The following DPP10 variants were observed in gnomAD, a reference collection of about 807,000 sequenced individuals.
DPP10 encodes inactive dipeptidyl peptidase 10.
In DPP10, 33 loss-of-function variants were observed where a neutral mutation model predicts 120.9. The ratio of observed to expected loss-of-function variants is 0.27; its 90% CI spans 0.21 to 0.37. The LOEUF (loss-of-function observed/expected upper bound fraction) is 0.37, where lower values mean the gene tolerates loss of function less well. Among genes scored for constraint, DPP10 ranks in the 10% least tolerant of loss-of-function variants. The probability of loss-of-function intolerance (pLI) is 1.00; values close to 1 mark genes in which losing one functional copy is unlikely to be tolerated. For synonymous variants in DPP10, 337 were observed against 326.1 expected, an observed-to-expected ratio of 1.03 and a Z score of -0.36; for missense variants, 816 against 942.8, an observed-to-expected ratio of 0.87 and a Z score of 1.76.
At chr2:115,835,903 A>G (rs938057590) in intron 21 of DPP10, among the ~76,000 whole-genome samples, 1 of 151,982 alleles carries the variant, frequency 6.6e-6, no homozygotes, top group African/African-American at 2.4e-5. Context: ...TTAATTTTAT[A>G]TTTTACTTAA....
intron 1 of DPP10, among the ~76,000 whole-genome samples, chr2:114,575,258 G>A (rs1327340676): frequency 6.6e-6 from 1 of 152,140 alleles, no homozygotes; most frequent in Non-Finnish European, 1.5e-5. Flanking sequence ...TGGCATTAGA[G>A]GGGAAGGCTG....
chr2:114,794,908 G>C (rs1171830872), intron 1 of DPP10, among the ~76,000 whole-genome samples: 1 of 152,186 alleles, frequency 6.6e-6, no homozygotes, highest in African/African-American at 2.4e-5. Context: ...AGGAATGATA[G>C]TGTAAGCTCT....
intron 1 of DPP10, among the ~76,000 whole-genome samples, chr2:114,681,489 A>T (rs1044299240): frequency 6.6e-6 from 1 of 151,864 alleles, no homozygotes; most frequent in African/African-American, 2.4e-5. Flanking sequence ...TTACATGAGG[A>T]AAAAAAAGAA....
intron 1 of DPP10, among the ~76,000 whole-genome samples, chr2:114,907,934 GTCTC>G (rs1694093788): frequency 6.6e-6 from 1 of 152,010 alleles, no homozygotes; most frequent in South Asian, 2.1e-4. Context: ...TTGTTGAAGT[GTCTC>G]TCTCTTTTAT....
intron 4 of DPP10, among the ~76,000 whole-genome samples, chr2:115,512,171 G>T (rs762909812): frequency 8.6e-5 from 13 of 151,606 alleles, no homozygotes; most frequent in Non-Finnish European, 1.9e-4. Context: ...TGTGATCATG[G>T]CTCACTGTAG....
chr2:115,406,474 G>A (rs552790803), intron 3 of DPP10, among the ~76,000 whole-genome samples: 1 of 152,098 alleles, frequency 6.6e-6, no homozygotes, highest in South Asian at 2.1e-4. Context: ...GATAGGTAAG[G>A]GAGGTGATGG....
chr2:115,697,450 G>A (rs949696078), intron 7 of DPP10, among the ~76,000 whole-genome samples: 1 of 151,814 alleles, frequency 6.6e-6, no homozygotes, highest in African/African-American at 2.4e-5. Flanking sequence ...GTAAAAATAG[G>A]CGTTAAATCA....
chr2:114,471,774 T>A (rs147706087), intron 1 of DPP10, among the ~76,000 whole-genome samples: 28 of 152,006 alleles, frequency 1.8e-4, no homozygotes, highest in African/African-American at 6.8e-4. Flanking sequence ...TGGAGCAGAG[T>A]TCAACAGGTA....
At chr2:115,804,395 A>T (rs2149989605) in intron 19 of DPP10, among the ~76,000 whole-genome samples, 1 of 152,042 alleles carries the variant, frequency 6.6e-6, no homozygotes, top group African/African-American at 2.4e-5. Flanking sequence ...TTTAGCTCGG[A>T]GTAGTTTGAT....
chr2:115,806,754 T>A (rs1311407715), intron 19 of DPP10, among the ~76,000 whole-genome samples: 1 of 152,128 alleles, frequency 6.6e-6, no homozygotes, highest in Non-Finnish European at 1.5e-5. Context: ...CTTGAAAAAA[T>A]ACAGAAATTT....
chr2:114,444,722 T>G (rs1179182817), intron 1 of DPP10, among the ~76,000 whole-genome samples: 1 of 152,208 alleles, frequency 6.6e-6, no homozygotes, highest in Non-Finnish European at 1.5e-5. Flanking sequence ...ATGTATTATA[T>G]TAATGGCTTA....
chr2:114,507,050 CTTT>C (rs1227607834), intron 1 of DPP10, among the ~76,000 whole-genome samples: 5 of 124,748 alleles, frequency 4.0e-5, no homozygotes, highest in Admixed American at 7.8e-5. Context: ...CTTTTTTTTT[CTTT>C]TTTTTTTTTT....
intron 19 of DPP10, among the ~76,000 whole-genome samples, chr2:115,793,127 A>T (rs1326482801): frequency 6.6e-6 from 1 of 152,176 alleles, no homozygotes; most frequent in Non-Finnish European, 1.5e-5. Context: ...GGACCTACAC[A>T]AGAAACCAAT....
chr2:115,441,675 A>C (rs2072058482), intron 3 of DPP10, among the ~76,000 whole-genome samples: 1 of 152,146 alleles, frequency 6.6e-6, no homozygotes, highest in South Asian at 2.1e-4. Context: ...AGTTTCTCAA[A>C]TCACATGGTT....
At chr2:115,520,725 C>T (rs1315188839) in intron 4 of DPP10, among the ~76,000 whole-genome samples, 1 of 152,144 alleles carries the variant, frequency 6.6e-6, no homozygotes, top group Non-Finnish European at 1.5e-5. Context: ...AGTCTCAAGT[C>T]ATGCAAATGA....
At chr2:115,376,945 C>A (rs1210841424) in intron 3 of DPP10, among the ~76,000 whole-genome samples, 15 of 147,428 alleles carry the variant, frequency 1.0e-4, no homozygotes, top group Non-Finnish European at 1.8e-4. Flanking sequence ...TTAATCCAGT[C>A]TATCATTGTT....
At chr2:115,717,986 T>C (rs1356316600) in intron 7 of DPP10, among the ~76,000 whole-genome samples, 3 of 152,122 alleles carry the variant, frequency 2.0e-5, no homozygotes, top group African/African-American at 7.2e-5. Context: ...GGAAGTCAGA[T>C]GTGGAGTAGC....
chr2:114,857,731 T>C (rs916357941), intron 1 of DPP10, among the ~76,000 whole-genome samples: 5 of 152,194 alleles, frequency 3.3e-5, no homozygotes, highest in African/African-American at 1.2e-4. Context: ...CGAAGACTTA[T>C]AGGAAGAAAT....
chr2:115,144,044 A>G (rs899203341), intron 1 of DPP10: 43 of 152,306 alleles, frequency 2.8e-4, no homozygotes, highest in African/African-American at 9.1e-4. Flanking sequence ...TGTACACCAT[A>G]GGATGGAATT....
Sources: allele counts gnomAD v4.1 joint callset (sites outside exome capture counted in the v4.1 genomes callset), GRCh38; gene constraint gnomAD v4.1.1; transcripts MANE v1.5; gene names NCBI Gene and HGNC (gene_info 2026-07-23, HGNC 2026-07-21).